The following TAOK3 variants were observed in gnomAD, a reference collection of about 807,000 sequenced individuals.
TAOK3 encodes the protein serine/threonine-protein kinase TAO3.
In TAOK3, 40 loss-of-function variants were observed where a neutral mutation model predicts 120.4. The ratio of observed to expected loss-of-function variants is 0.33; its 90% CI spans 0.26 to 0.43. TAOK3 has a LOEUF of 0.43. TAOK3 is among the 20% of genes least tolerant of loss of function. The probability of loss-of-function intolerance (pLI) is 1.00; values close to 1 mark genes in which losing one functional copy is unlikely to be tolerated. For missense variants in TAOK3, 821 were observed against 1,112.1 expected, an observed-to-expected ratio of 0.74 and a Z score of 3.72; for synonymous variants, 355 against 387.5, an observed-to-expected ratio of 0.92 and a Z score of 0.99.
intron 6 of TAOK3, 82 bp from the exon 7 acceptor site, chr12:118,238,251 G>A: frequency 2.8e-6 from 2 of 718,760 alleles, no homozygotes; most frequent in Admixed American, 2.5e-5. Flanking sequence ...TACCAGACTG[G>A]GTTACATACT....
intron 1 of TAOK3, among the ~76,000 whole-genome samples, chr12:118,274,787 C>A (rs1455560385): frequency 1.3e-5 from 2 of 151,878 alleles, no homozygotes; most frequent in South Asian, 4.2e-4. Context: ...TGCGACCACA[C>A]CCTGTTAATT....
intron 1 of TAOK3, among the ~76,000 whole-genome samples, chr12:118,271,941 A>G (rs1254573635): frequency 6.6e-6 from 1 of 152,252 alleles, no homozygotes; most frequent in South Asian, 2.1e-4. Flanking sequence ...GAGAATGTAG[A>G]ACTGCGCCAA....
chr12:118,240,402 C>A (rs970293071), intron 5 of TAOK3, among the ~76,000 whole-genome samples: 1 of 152,134 alleles, frequency 6.6e-6, no homozygotes, highest in Non-Finnish European at 1.5e-5. Context: ...TGGTCTCAAA[C>A]TCCTGACCTC....
chr12:118,363,772 GAGAGAC>G (rs1233045653), intron 1 of TAOK3, among the ~76,000 whole-genome samples: 17 of 151,812 alleles, frequency 1.1e-4, no homozygotes, highest in African/African-American at 4.1e-4. Flanking sequence ...GAGAGAGAGA[GAGAGAC>G]AGACAGACAG....
At chr12:118,211,668 T>G (rs1424121820) in intron 11 of TAOK3, among the ~76,000 whole-genome samples, 1 of 150,894 alleles carries the variant, frequency 6.6e-6, no homozygotes, top group African/African-American at 2.4e-5. Flanking sequence ...CAGGCTGGAG[T>G]GCAGTGGCAC....
intron 15 of TAOK3, 77 bp from the exon 16 acceptor site, chr12:118,177,406 G>A (rs2036410209): frequency 7.8e-7 from 1 of 1,278,696 alleles, no homozygotes; most frequent in Non-Finnish European, 1.1e-6. Flanking sequence ...CTCCAGTGCA[G>A]TAAGACAGTC....
chr12:118,358,663 G>A (rs1423207669), intron 1 of TAOK3, among the ~76,000 whole-genome samples: 3 of 152,058 alleles, frequency 2.0e-5, no homozygotes, highest in African/African-American at 7.2e-5. Flanking sequence ...AGTTATTCAG[G>A]AGAAAGAAAA....
At chr12:118,365,301 A>G (rs1027597373) in intron 1 of TAOK3, among the ~76,000 whole-genome samples, 1 of 151,874 alleles carries the variant, frequency 6.6e-6, no homozygotes, top group African/African-American at 2.4e-5. Flanking sequence ...TGGCTTGATC[A>G]TTGCTCATGC....
rs1045308407 is a variant in TAOK3, at chr12:118,245,660, A to C, written c.121-695T>G. On this transcript the variant is annotated intron_variant, in intron 3 of 20. Transcript: ENST00000392533. The stretch of plus-strand genomic sequence containing the variant: ...TAATATCTCCATACTGCAGTATCAC[A>C]GTTCAAAGATGCTTCACTTTTTGAT... Among the ~76,000 whole-genome samples, 3 of 152,180 alleles carry C rather than the reference A, an allele frequency of 2.0e-5. No homozygotes were observed. The East Asian group carries it at 5.8e-4, about 29-fold the overall frequency.
intron 9 of TAOK3, among the ~76,000 whole-genome samples, chr12:118,227,202 T>C (rs1057286317): frequency 1.7e-4 from 25 of 150,608 alleles, no homozygotes; most frequent in Admixed American, 1.5e-3. Context: ...GTCTCAGTGT[T>C]ATAAGGAAAA....
At chr12:118,204,586 C>CA (rs1372575209) in intron 11 of TAOK3, among the ~76,000 whole-genome samples, 1 of 152,154 alleles carries the variant, frequency 6.6e-6, no homozygotes, top group Non-Finnish European at 1.5e-5. Context: ...GTGTAGCCTG[C>CA]ACATTTCAAG....
chr12:118,311,727 A>G (rs1002253771), intron 1 of TAOK3, among the ~76,000 whole-genome samples: 3 of 152,250 alleles, frequency 2.0e-5, no homozygotes, highest in Non-Finnish European at 2.9e-5. Flanking sequence ...CTCTTTTCAG[A>G]GAATAAAAGT....
Position 118,213,012 on chromosome 12 carries a change from A to G in TAOK3, c.738-17T>C, listed in dbSNP as rs760160120. ...GAGTCTGTCCTGTGTGTGCAAATAC[A>G]CAAAAGAAAATAAACTCAGGGTCTG... On this transcript the variant is annotated splice_polypyrimidine_tract_variant and intron_variant, in intron 10 of 20. Transcript: ENST00000392533. 4 of 1,547,554 alleles carry G rather than the reference A, an allele frequency of 2.6e-6. No individual in the cohort carries two copies. The Admixed American group carries it at 8.1e-5, about 31-fold the overall frequency.
At chr12:118,286,132 G>C (rs2042258543) in intron 1 of TAOK3, among the ~76,000 whole-genome samples, 1 of 152,070 alleles carries the variant, frequency 6.6e-6, no homozygotes, top group Non-Finnish European at 1.5e-5. Flanking sequence ...TTAGTGATTT[G>C]GGGGCTCCAA....
intron 1 of TAOK3, among the ~76,000 whole-genome samples, chr12:118,317,779 C>T (rs2140914783): frequency 6.6e-6 from 1 of 152,130 alleles, no homozygotes; most frequent in South Asian, 2.1e-4. Context: ...CATATGATTT[C>T]AAAGGACCCA....
At chr12:118,172,330 T>C in intron 17 of TAOK3, 127 bp downstream of exon 17, 1 of 974,644 alleles carries the variant, frequency 1.0e-6, no homozygotes, top group South Asian at 1.5e-5. Context: ...CTACTCTGTG[T>C]TAGCCACTGT....
Position 118,152,214 on chromosome 12 carries a change from A to G in TAOK3, c.2535+13T>C. ...CACCCAGTGGCACCGGACCCCTGGT[A>G]ATGCTCCCTTACCTTCTGCTCAAGG... is the stretch of plus-strand genomic sequence containing the variant. On this transcript the variant is annotated intron_variant, in intron 20 of 20. Coordinates refer to ENST00000392533, the MANE Select transcript of TAOK3 (RefSeq NM_016281.4). 1.2e-6 allele frequency: 2 copies of G among 1,605,876 alleles called. No homozygotes were observed. Among genetic ancestry groups the G allele is most frequent in the South Asian group, 2.2e-5 (2 of 90,846 alleles).
In TAOK3 at chr12:118,233,456, TAAG is replaced by T. The variant is rs543557424; in HGVS notation, c.643+215_643+217del. ...AAATACATAAATAAATAAATAAAAA[TAAG>T]AACATGAAAATGTAGCAGAGAGAAA... On this transcript the variant is annotated intron_variant, in intron 9 of 20. Transcript: ENST00000392533. 8.6e-3 allele frequency among the ~76,000 whole-genome samples: 1,308 copies of T among 151,476 alleles called. 12 individuals are homozygous for T. The highest frequency in any genetic ancestry group is 0.029 in the African/African-American group (1,204 of 41,348).
At chr12:118,174,898 T>C (rs371440899) in intron 16 of TAOK3, among the ~76,000 whole-genome samples, 5 of 152,028 alleles carry the variant, frequency 3.3e-5, no homozygotes, top group Admixed American at 2.6e-4. Context: ...CTGACCTCAG[T>C]TGATCCACCC....
Sources: gnomAD v4.1 joint callset for allele counts (sites outside exome capture counted in the v4.1 genomes callset) on GRCh38, gnomAD v4.1.1 for gene constraint, MANE v1.5 for transcripts, NCBI Gene and HGNC (gene_info 2026-07-23, HGNC 2026-07-21) for gene names.